The following OPHN1 variants were observed in gnomAD, a reference collection of about 807,000 sequenced individuals.
The protein encoded by OPHN1 is oligophrenin 1.
Under a neutral mutation model 60.7 loss-of-function variants are expected in OPHN1, and 11 were observed. The ratio of observed to expected loss-of-function variants is 0.18; its 90% confidence interval spans 0.11 to 0.30. The LOEUF (loss-of-function observed/expected upper bound fraction) is 0.30, where lower values mean the gene tolerates loss of function less well. OPHN1 is among the 10% of genes least tolerant of loss of function. The pLI, the probability that OPHN1 is intolerant of heterozygous loss-of-function variation, is 1.00. For missense variants in OPHN1, 449 were observed against 611.0 expected (o/e 0.73, Z 2.80); for synonymous variants, 226 against 222.6 (o/e 1.02, Z -0.14).
intron 15 of OPHN1, among the ~76,000 whole-genome samples, chrX:68,188,601 G>GA (rs2077473712): frequency 8.9e-6 from 1 of 111,957 alleles, no homozygotes; most frequent in African/African-American, 3.2e-5. Context: ...GACAGTATCA[G>GA]AAAAACGGTT....
At chrX:68,332,255 A>G in intron 2 of OPHN1, among the ~76,000 whole-genome samples, 1 of 110,882 alleles carries the variant, frequency 9.0e-6, no homozygotes, top group East Asian at 2.8e-4. Context: ...CATTTCCAAC[A>G]TGACGTTTGT....
At chrX:68,372,254 A>T (rs904536439) in intron 2 of OPHN1, among the ~76,000 whole-genome samples, 1 of 112,277 alleles carries the variant, frequency 8.9e-6, no homozygotes, top group African/African-American at 3.2e-5. Context: ...AATCCATTCA[A>T]CAGAGAAAGA....
At chrX:68,278,262 C>T (rs1212408570) in intron 4 of OPHN1, among the ~76,000 whole-genome samples, 2 of 112,246 alleles carry the variant, frequency 1.8e-5, no homozygotes, top group Non-Finnish European at 1.9e-5. Flanking sequence ...TTGAGGATTT[C>T]CTCTTTTTTC....
In OPHN1 at chrX:68,288,577, AC is replaced by A. The variant is rs1292699630; in HGVS notation, c.251-5461del. Among the ~76,000 whole-genome samples, 3 of 110,932 alleles carry A rather than the reference AC, an allele frequency of 2.7e-5. No individual in the cohort carries two copies. The East Asian group carries it at 8.6e-4, about 32-fold the overall frequency. ...CAGACGTTCAAGACCAGCCTGGCCA[AC>A]ATCGTGAGACCCCCGTCTCTACTAA... On this transcript the variant is annotated intron_variant, in intron 3 of 24. Transcript: ENST00000355520.
chrX:68,388,960 A>AT (rs376035132), intron 2 of OPHN1, among the ~76,000 whole-genome samples: 1,480 of 100,861 alleles, frequency 0.015, 25 homozygotes, highest in African/African-American at 0.045. Flanking sequence ...ACTAGTCAAC[A>AT]TTTTTTTTTT....
intron 9 of OPHN1, 53 bp from the exon 10 acceptor site, chrX:68,206,726 G>A (rs2077561146): frequency 1.1e-6 from 1 of 909,001 alleles, no homozygotes; most frequent in Non-Finnish European, 1.6e-6. Context: ...AGCTGTATAG[G>A]AAGTCAACCC....
At chrX:68,165,392 G>A (rs923077734) in intron 15 of OPHN1, among the ~76,000 whole-genome samples, 1 of 74,641 alleles carries the variant, frequency 1.3e-5, no homozygotes, top group Non-Finnish European at 2.5e-5. Context: ...AGAGTTATTC[G>A]TTGCCATAAC....
intron 15 of OPHN1, among the ~76,000 whole-genome samples, chrX:68,125,929 CAATATA>C (rs1305308411): frequency 2.3e-4 from 1 of 4,354 alleles, no homozygotes; most frequent in Non-Finnish European, 7.7e-4. Flanking sequence ...AACCACTGAT[CAATATA>C]TATATATATA....
chrX:68,375,238 A>T (rs2078550720), intron 2 of OPHN1, among the ~76,000 whole-genome samples: 1 of 112,040 alleles, frequency 8.9e-6, no homozygotes, highest in African/African-American at 3.2e-5. Context: ...CATACCTGGA[A>T]CCCCAGCACT....
rs934515185 is a variant in OPHN1, at chrX:68,399,646, C to T, written c.154+33221G>A. Among the ~76,000 whole-genome samples the T allele has an allele frequency of 1.4e-3, 147 of 105,608 alleles. 1 individual carries two copies. The highest frequency in any genetic ancestry group is 2.5e-3 in the Non-Finnish European group (131 of 51,465). The allele number at this position is 105,608 out of a possible 115,157, so 91.7% of individuals were successfully genotyped here. On this transcript the variant is annotated intron_variant, in intron 2 of 24. Coordinates refer to ENST00000355520, the MANE Select transcript of OPHN1 (RefSeq NM_002547.3). ...TCGTGCCACTGCACCCCAGCCTGGGCGACAAAGCAAGACTCTGTCTCAAAA... is the reference window on the plus strand; with the variant it reads ...TCGTGCCACTGCACCCCAGCCTGGGTGACAAAGCAAGACTCTGTCTCAAAA...
intron 2 of OPHN1, among the ~76,000 whole-genome samples, chrX:68,341,499 T>C (rs866689303): frequency 1.8e-5 from 2 of 110,965 alleles, no homozygotes; most frequent in South Asian, 3.8e-4. Context: ...AACAAGGAAA[T>C]TGTAGAAAGA....
intron 8 of OPHN1, among the ~76,000 whole-genome samples, chrX:68,210,885 A>G (rs2077581775): frequency 8.9e-6 from 1 of 111,803 alleles, no homozygotes; most frequent in African/African-American, 3.2e-5. Context: ...ATCACTACAG[A>G]TAAGTTTTTA....
intron 2 of OPHN1, among the ~76,000 whole-genome samples, chrX:68,304,574 G>A (rs1309876634): frequency 1.8e-5 from 2 of 111,168 alleles, no homozygotes; most frequent in African/African-American, 3.3e-5. Context: ...AATGTATTGC[G>A]AATATTCTTT....
chrX:68,196,624 G>A (rs1419505075), intron 12 of OPHN1, among the ~76,000 whole-genome samples: 1 of 111,542 alleles, frequency 9.0e-6, no homozygotes, highest in Non-Finnish European at 1.9e-5. Context: ...CCTTTCAAGG[G>A]ATTGCTTGTC....
At chrX:68,110,825 T>C (rs981955293) in intron 18 of OPHN1, among the ~76,000 whole-genome samples, 9 of 111,980 alleles carry the variant, frequency 8.0e-5, no homozygotes, top group African/African-American at 2.6e-4. Context: ...TCATTTGCTA[T>C]AGAAGTGTAG....
chrX:68,100,258 T>C (rs1355588211), intron 18 of OPHN1, among the ~76,000 whole-genome samples: 2 of 109,453 alleles, frequency 1.8e-5, no homozygotes, highest in African/African-American at 6.7e-5. Flanking sequence ...TATACATACA[T>C]ACATACACGC....
chrX:68,234,585 G>C lies in OPHN1; in HGVS notation c.388C>G (p.Arg130Gly). The change falls in exon 6 of 25, where the codon CGG becomes GGG. Residue 130 changes from arginine (R) to glycine (G), a missense_variant. By Grantham distance (125) the Arg-to-Gly change is moderately radical. Around this residue, in one of 4 missense-constraint regions of OPHN1, gnomAD observed 99 missense variants for 155.2 expected, o/e 0.64. Coordinates refer to ENST00000355520, the MANE Select transcript of OPHN1 (RefSeq NM_002547.3). ...RKEQIGFTKERKKKFEKDGER... is the reference protein window; with the variant it reads ...RKEQIGFTKEGKKKFEKDGER... Reference sequence around the variant, plus strand: ...CCATCCTTTTCAAATTTCTTTTTCCGCTCCTAAAGGTGGGAAAGAAGGGCA... The same window carrying C: ...CCATCCTTTTCAAATTTCTTTTTCCCCTCCTAAAGGTGGGAAAGAAGGGCA... 8.5e-7 allele frequency: 1 copy of C among 1,177,423 alleles called. No homozygotes were observed. The highest frequency in any genetic ancestry group is 1.2e-6 in the Non-Finnish European group (1 of 864,675).
chrX:68,351,540 C>T (rs1004961770), intron 2 of OPHN1, among the ~76,000 whole-genome samples: 10 of 111,669 alleles, frequency 9.0e-5, no homozygotes, highest in African/African-American at 2.6e-4. Flanking sequence ...ACATGGTCAC[C>T]AAAGCACAGC....
intron 15 of OPHN1, among the ~76,000 whole-genome samples, chrX:68,189,569 G>A (rs1384552564): frequency 7.0e-5 from 7 of 99,980 alleles, no homozygotes; most frequent in African/African-American, 2.6e-4. Context: ...ACTCTTACAC[G>A]AGGTTCCAAG....
Sources: allele counts gnomAD v4.1 joint callset (sites outside exome capture counted in the v4.1 genomes callset), GRCh38; gene constraint gnomAD v4.1.1; regional missense constraint gnomAD v4.1.1; transcripts MANE v1.5; gene names NCBI Gene and HGNC (gene_info 2026-07-23, HGNC 2026-07-21).